Variants in IQGAP3 observed in about 807,000 individuals in gnomAD.
IQGAP3 encodes the protein IQ motif containing GTPase activating protein 3, also known as ras GTPase-activating-like protein IQGAP3.
A neutral mutation model predicts 208.2 loss-of-function variants in IQGAP3; 165 were observed. That is an observed-to-expected ratio of 0.79 (90% CI 0.70 to 0.90). The LOEUF is 0.90. Ranked by LOEUF, IQGAP3 falls within the 40% of genes least tolerant of loss-of-function variation. The pLI is 0.00. For missense variants in IQGAP3, 1,811 were observed against 2,043.1 expected (o/e 0.89, Z 2.19); for synonymous variants, 703 against 803.6 (o/e 0.87, Z 2.12).
At chr1:156,547,945 A>T in intron 19 of IQGAP3, 128 bp downstream of exon 19, 1 of 829,476 alleles carries the variant, frequency 1.2e-6, no homozygotes, top group Non-Finnish European at 1.9e-6. Context: ...TCCAGAACCT[A>T]TGCTTTTAAC....
In IQGAP3 at chr1:156,544,165, T is replaced by C; in HGVS notation, c.2447A>G (p.Tyr816Cys). Residue 816 changes from tyrosine to cysteine, a missense_variant, in exon 21 of 38, where the codon TAC (tyrosine) becomes TGC (cysteine). By Grantham distance (194) the Tyr-to-Cys change is radical. Coordinates refer to ENST00000361170, the MANE Select transcript of IQGAP3 (RefSeq NM_178229.5). Reference sequence around the variant, plus strand: ...GGTGACACTCACATTCTTCTGGAAGTAGTGCAGACGCCTCAGGTATTGCCT... The same window carrying C: ...GGTGACACTCACATTCTTCTGGAAGCAGTGCAGACGCCTCAGGTATTGCCT... ...ARRQYLRRLH[Y>C]FQKNVNSIVK... 6.2e-7 allele frequency: 1 copy of C among 1,614,138 alleles called. No individual in the cohort carries two copies. Among genetic ancestry groups the C allele is most frequent in the Middle Eastern group, 1.7e-4 (1 of 6,060 alleles).
intron 19 of IQGAP3, among the ~76,000 whole-genome samples, chr1:156,546,924 A>G (rs1233740048): frequency 6.6e-6 from 1 of 152,064 alleles, no homozygotes; most frequent in Non-Finnish European, 1.5e-5. Flanking sequence ...GTGTACTCCA[A>G]TTTCTGTGAG....
intron 19 of IQGAP3, 71 bp from the exon 20 acceptor site, chr1:156,544,543 C>A (rs1571331398): frequency 1.5e-6 from 2 of 1,335,040 alleles, no homozygotes; most frequent in East Asian, 4.6e-5. Context: ...TTAAGAAAAT[C>A]TTTGTCCTGG....
At position 156,537,277 on chromosome 1, in the gene IQGAP3, G is replaced by A. The variant is rs1416717629; in HGVS notation, c.3326C>T (p.Pro1109Leu). 6.2e-7 allele frequency: 1 copy of A among 1,613,964 alleles called. No individual in the cohort carries two copies. Among genetic ancestry groups the A allele is most frequent in the Non-Finnish European group, 8.5e-7 (1 of 1,179,924 alleles). ...GATGTCCAGTCGTCTCTGGACCTCG[G>A]GGTGGCTCAAGGCCTGCTCCGGGGT... is the stretch of plus-strand genomic sequence containing the variant. ...DVTPEQALSH[P>L]EVQRRLDIAL... The change falls in exon 27 of 38, where the codon CCC (proline) becomes CTC (leucine). Residue 1109 changes from proline to leucine, a missense_variant. Transcript: ENST00000361170.
At chr1:156,545,962 G>A (rs1430383236) in intron 19 of IQGAP3, among the ~76,000 whole-genome samples, 2 of 152,100 alleles carry the variant, frequency 1.3e-5, no homozygotes, top group East Asian at 3.9e-4. Context: ...TTCCCTCAAG[G>A]CTTACACGGC....
At position 156,544,398 on chromosome 1, in the gene IQGAP3, G is replaced by A. The variant is rs747412184; in HGVS notation, c.2379C>T (p.Ala793=). The A allele has an allele frequency of 6.2e-7, 1 of 1,612,542 alleles. No homozygotes were observed. Among genetic ancestry groups the A allele is most frequent in the Admixed American group, 1.7e-5 (1 of 60,014 alleles). The change falls in exon 20 of 38, where the codon GCC becomes GCT. Residue 793 remains alanine, a synonymous_variant. Transcript: ENST00000361170. ...WLQYFKANLD[A]IIKIQAWARM... ...AAACCACCGTAGCTACCTTGATTAT[G>A]GCATCCAGGTTTGCTTTAAAATACT... is the stretch of plus-strand genomic sequence containing the variant.
intron 32 of IQGAP3, among the ~76,000 whole-genome samples, chr1:156,532,097 C>T (rs373459870): frequency 2.6e-5 from 4 of 151,976 alleles, no homozygotes; most frequent in East Asian, 1.9e-4. Flanking sequence ...AACAAGAATG[C>T]GGAATTAGGC....
At chr1:156,546,590 G>A (rs981916714) in intron 19 of IQGAP3, among the ~76,000 whole-genome samples, 10 of 152,096 alleles carry the variant, frequency 6.6e-5, no homozygotes, top group African/African-American at 2.4e-4. Context: ...TCCCATCAAC[G>A]GAGCACTTAC....
intron 3 of IQGAP3, 26 bp from the exon 4 acceptor site, chr1:156,566,130 T>G: frequency 1.3e-6 from 2 of 1,596,370 alleles, no homozygotes; most frequent in East Asian, 2.2e-5. Context: ...AAAGAAAATC[T>G]ATTTCCACAG....
Position 156,527,070 on chromosome 1 carries a change from A to T in IQGAP3, c.4783-471T>A, listed in dbSNP as rs988399574. Reference sequence around the variant, plus strand: ...CTGGTCTTGAACTGCTGACCTCGTGATCCGCCCGCCTCGGCCTCCCAAAGT... The same window carrying T: ...CTGGTCTTGAACTGCTGACCTCGTGTTCCGCCCGCCTCGGCCTCCCAAAGT... On this transcript the variant is annotated intron_variant, in intron 37 of 37. Transcript: ENST00000361170. Among the ~76,000 whole-genome samples the T allele has an allele frequency of 6.4e-4, 96 of 150,568 alleles. 2 individuals are homozygous for T. The East Asian group carries it at 0.017, about 27-fold the overall frequency.
Position 156,550,308 on chromosome 1 carries a change from C to T in IQGAP3, c.1778G>A (p.Arg593His), listed in dbSNP as rs59573847. The T allele has an allele frequency of 7.7e-5, 124 of 1,613,786 alleles. 1 individual carries two copies. The highest frequency in any genetic ancestry group is 2.9e-4 in the African/African-American group (22 of 74,894). Reference sequence around the variant, plus strand: ...CTGGTTGGCTCTGACCACTCCCTGGCGGATCTCCTCAAGCCACAGCACAGC... The same window carrying T: ...CTGGTTGGCTCTGACCACTCCCTGGTGGATCTCCTCAAGCCACAGCACAGC... ...PGAVLWLEEI[R>H]QGVVRANQDT... The change falls in exon 16 of 38, where the codon CGC becomes CAC. Residue 593 changes from arginine to histidine, a missense_variant. Transcript: ENST00000361170.
intron 13 of IQGAP3, among the ~76,000 whole-genome samples, chr1:156,553,863 G>T (rs989808913): frequency 3.3e-5 from 5 of 152,192 alleles, no homozygotes; most frequent in African/African-American, 1.2e-4. Flanking sequence ...TTACAGGCGT[G>T]AGCCACTGCA....
intron 10 of IQGAP3, 50 bp downstream of exon 10, chr1:156,561,788 C>T: frequency 6.3e-7 from 1 of 1,578,744 alleles, no homozygotes; most frequent in Non-Finnish European, 8.7e-7. Flanking sequence ...AGGCCCTCTC[C>T]TATCCTATAG....
At chr1:156,568,696 T>C (rs953649006) in intron 2 of IQGAP3, among the ~76,000 whole-genome samples, 2 of 152,220 alleles carry the variant, frequency 1.3e-5, no homozygotes, top group African/African-American at 4.8e-5. Flanking sequence ...CTAATATTTG[T>C]ATTTTTTGTA....
chr1:156,563,269 C>A lies in IQGAP3; in HGVS notation c.663G>T (p.Gly221=). ...VLAINEAVER[G]VVEDTLAALQ... ...AGGCAGCCAGGGTGTCCTCCACCAC[C>A]CCTCGCTCCACTGCTTCATTGATGG... Residue 221 remains glycine (G), a synonymous_variant, in exon 8 of 38, where the codon GGG becomes GGT. Coordinates refer to ENST00000361170, the MANE Select transcript of IQGAP3 (RefSeq NM_178229.5). 1 of 1,610,628 alleles carries A rather than the reference C, an allele frequency of 6.2e-7. No homozygotes were observed. Among genetic ancestry groups the A allele is most frequent in the African/African-American group, 1.3e-5 (1 of 74,976 alleles).
At chr1:156,560,379 C>T (rs1168053564) in intron 11 of IQGAP3, among the ~76,000 whole-genome samples, 1 of 152,088 alleles carries the variant, frequency 6.6e-6, no homozygotes, top group Non-Finnish European at 1.5e-5. Context: ...GCCATGGTGG[C>T]AGGTGCCTGT....
rs1009396394 is a variant in IQGAP3, at chr1:156,537,398, CG to C, written c.3282-78del. 4.3e-6 allele frequency: 6 copies of C among 1,394,982 alleles called. No individual in the cohort carries two copies. The African/African-American group carries it at 8.7e-5, about 20-fold the overall frequency. The allele number at this position is 1,394,982 out of a possible 1,614,324, so 86.4% of individuals were successfully genotyped here. On this transcript the variant is annotated intron_variant, in intron 26 of 37. Transcript: ENST00000361170. Reference sequence around the variant, plus strand: ...CTTCCCCAAGGCCCTATTCCTTAAACGCTTGTCTAACAACAAGATCTCATAC... The same window carrying C: ...CTTCCCCAAGGCCCTATTCCTTAAACCTTGTCTAACAACAAGATCTCATAC...
At chr1:156,551,894 AG>A in intron 14 of IQGAP3, 26 bp from the exon 15 acceptor site, 1 of 1,597,988 alleles carries the variant, frequency 6.3e-7, no homozygotes, top group Non-Finnish European at 8.5e-7. Context: ...CTAGGTGGGC[AG>A]GGGGCCCCTA....
Position 156,562,780 on chromosome 1 carries a change from T to A in IQGAP3, c.799-115A>T, listed in dbSNP as rs1040934850. The A allele has an allele frequency of 1.1e-5, 10 of 927,040 alleles. No homozygotes were observed. The African/African-American group carries it at 1.6e-4, about 15-fold the overall frequency. 57.4% of individuals were successfully genotyped at this position (927,040 alleles called of 1,614,324 possible). The stretch of plus-strand genomic sequence containing the variant: ...TCTGGGGACCTTCCCAAGGCCAAAG[T>A]TCAGTCTGCTCAGAATTCAGGAATT... On this transcript the variant is annotated intron_variant, in intron 8 of 37. Coordinates refer to ENST00000361170, the MANE Select transcript of IQGAP3 (RefSeq NM_178229.5).
Sources: allele counts gnomAD v4.1 joint callset (sites outside exome capture counted in the v4.1 genomes callset), GRCh38; gene constraint gnomAD v4.1.1; transcripts MANE v1.5; gene names NCBI Gene and HGNC (gene_info 2026-07-23, HGNC 2026-07-21).